Variants in GALNTL6 observed in about 807,000 individuals in gnomAD.
The protein encoded by GALNTL6 is polypeptide N-acetylgalactosaminyltransferase-like 6.
Under a neutral mutation model 73.7 loss-of-function variants are expected in GALNTL6, and 46 were observed. That is an observed-to-expected ratio of 0.62 (90% CI 0.49 to 0.80). The LOEUF (loss-of-function observed/expected upper bound fraction) is 0.80. Among genes scored for constraint, GALNTL6 ranks in the 30% least tolerant of loss-of-function variants. GALNTL6 has a pLI of 0.00. For synonymous variants in GALNTL6, 259 were observed against 263.7 expected (o/e 0.98, Z 0.17); for missense variants, 604 against 755.0 (o/e 0.80, Z 2.34).
At position 171,929,464 on chromosome 4, in the gene GALNTL6, C is replaced by G. The variant is rs113725204; in HGVS notation, c.138+114746C>G. ...ACAAGGGCCAACTAGACTTGCCTGG[C>G]ACGCCCCAGACCCCCACCCCGCCAT... is the stretch of plus-strand genomic sequence containing the variant. On this transcript the variant is annotated intron_variant, in intron 2 of 12. Transcript: ENST00000506823. 9.3e-3 allele frequency among the ~76,000 whole-genome samples: 1,418 copies of G among 152,190 alleles called. 29 individuals are homozygous for G. The highest frequency in any genetic ancestry group is 0.033 in the African/African-American group (1,351 of 41,512).
intron 2 of GALNTL6, among the ~76,000 whole-genome samples, chr4:172,117,762 T>C (rs1002336863): frequency 1.6e-4 from 24 of 152,060 alleles, no homozygotes; most frequent in African/African-American, 5.8e-4. Flanking sequence ...TGAATGAATC[T>C]CAACAACATT....
chr4:172,315,948 T>C (rs979843868), intron 4 of GALNTL6, among the ~76,000 whole-genome samples: 2 of 152,168 alleles, frequency 1.3e-5, no homozygotes, highest in Non-Finnish European at 2.9e-5. Flanking sequence ...ATTTGAAATA[T>C]ACATATAAAA....
intron 3 of GALNTL6, among the ~76,000 whole-genome samples, chr4:172,256,530 G>A (rs893446430): frequency 6.6e-6 from 1 of 151,356 alleles, no homozygotes. Context: ...ATCTGACCTT[G>A]CAATTTCTCT....
chr4:172,224,343 C>T (rs1229492182), intron 2 of GALNTL6, among the ~76,000 whole-genome samples: 2 of 152,244 alleles, frequency 1.3e-5, no homozygotes, highest in East Asian at 1.9e-4. Flanking sequence ...TAATTTATAT[C>T]GTCTGCCTTT....
intron 2 of GALNTL6, among the ~76,000 whole-genome samples, chr4:171,945,301 C>T (rs141275195): frequency 7.6e-4 from 115 of 152,080 alleles, no homozygotes; most frequent in African/African-American, 2.7e-3. Context: ...TGCACTCAAG[C>T]GTTCATATGT....
chr4:172,600,446 T>G (rs2111022224), intron 5 of GALNTL6, among the ~76,000 whole-genome samples: 1 of 152,162 alleles, frequency 6.6e-6, no homozygotes, highest in East Asian at 1.9e-4. Context: ...TGAAAAGAGA[T>G]AAACTCGAGT....
intron 2 of GALNTL6, among the ~76,000 whole-genome samples, chr4:172,054,354 A>T (rs1450783419): frequency 6.6e-6 from 1 of 152,194 alleles, no homozygotes; most frequent in Non-Finnish European, 1.5e-5. Flanking sequence ...TACTTTATTT[A>T]CATGAATTAA....
At position 172,653,598 on chromosome 4, in the gene GALNTL6, G is replaced by A. The variant is rs552043409; in HGVS notation, c.554-155763G>A. On this transcript the variant is annotated intron_variant, in intron 5 of 12. Transcript: ENST00000506823. ...TTCAACATTCTGCTTCTCTATATCC[G>A]AAGAAAGAGGAAAAAAAAATACCTT... Among the ~76,000 whole-genome samples, 701 of 151,448 alleles carry A rather than the reference G, an allele frequency of 4.6e-3. 6 individuals carry two copies. The highest frequency in any genetic ancestry group is 0.015 in the African/African-American group (625 of 41,256).
intron 2 of GALNTL6, among the ~76,000 whole-genome samples, chr4:171,919,987 G>C (rs1737737811): frequency 6.6e-6 from 1 of 152,152 alleles, no homozygotes; most frequent in Non-Finnish European, 1.5e-5. Flanking sequence ...ATTCACAATA[G>C]CAAAGACTTG....
chr4:172,749,571 A>T (rs1438032383), intron 5 of GALNTL6, among the ~76,000 whole-genome samples: 2 of 152,144 alleles, frequency 1.3e-5, no homozygotes, highest in Non-Finnish European at 2.9e-5. Flanking sequence ...CTACATTTTA[A>T]GTGGCTGGGA....
chr4:172,059,922 T>C (rs1362811190), intron 2 of GALNTL6, among the ~76,000 whole-genome samples: 1 of 152,014 alleles, frequency 6.6e-6, no homozygotes. Context: ...GGAAGGGAAA[T>C]ATGAAGGGCA....
At chr4:172,055,479 A>G (rs1045201288) in intron 2 of GALNTL6, among the ~76,000 whole-genome samples, 2 of 152,190 alleles carry the variant, frequency 1.3e-5, no homozygotes, top group Admixed American at 6.6e-5. Flanking sequence ...GAAAAATCCC[A>G]CAATAGGGCT....
intron 2 of GALNTL6, among the ~76,000 whole-genome samples, chr4:172,083,256 ATC>A (rs2110925200): frequency 6.6e-6 from 1 of 152,268 alleles, no homozygotes; most frequent in African/African-American, 2.4e-5. Context: ...TGTATTTCTA[ATC>A]TGTCTTTGCC....
chr4:172,054,505 G>T (rs1297201297), intron 2 of GALNTL6, among the ~76,000 whole-genome samples: 1 of 152,118 alleles, frequency 6.6e-6, no homozygotes, highest in East Asian at 1.9e-4. Context: ...CTTCCAGCAG[G>T]TTCAATATCC....
chr4:172,932,179 G>A (rs576083017), intron 9 of GALNTL6, among the ~76,000 whole-genome samples: 4 of 152,192 alleles, frequency 2.6e-5, no homozygotes, highest in South Asian at 2.1e-4. Context: ...ATAAATAAAC[G>A]AATTCACCAG....
chr4:172,866,241 C>G (rs1744655839), intron 7 of GALNTL6, among the ~76,000 whole-genome samples: 2 of 152,142 alleles, frequency 1.3e-5, no homozygotes, highest in Admixed American at 1.3e-4. Flanking sequence ...TTAAACCCTT[C>G]AGTAAATCCT....
chr4:172,816,579 ACAGT>A (rs1741614899), intron 7 of GALNTL6, among the ~76,000 whole-genome samples: 1 of 152,222 alleles, frequency 6.6e-6, no homozygotes, highest in African/African-American at 2.4e-5. Flanking sequence ...CATAGACTAC[ACAGT>A]CAAAGTGGTC....
At chr4:171,910,903 T>A (rs1440695772) in intron 2 of GALNTL6, among the ~76,000 whole-genome samples, 2 of 152,230 alleles carry the variant, frequency 1.3e-5, no homozygotes, top group East Asian at 3.8e-4. Context: ...GATTTTTTTA[T>A]GTCAATGCTA....
chr4:171,988,896 G>A (rs943431699), intron 2 of GALNTL6, among the ~76,000 whole-genome samples: 7 of 152,210 alleles, frequency 4.6e-5, no homozygotes, highest in South Asian at 4.2e-4. Context: ...AGACACAAGG[G>A]GAGGATGTGA....
Sources: allele counts gnomAD v4.1 joint callset (sites outside exome capture counted in the v4.1 genomes callset), GRCh38; gene constraint gnomAD v4.1.1; transcripts MANE v1.5; gene names NCBI Gene and HGNC (gene_info 2026-07-23, HGNC 2026-07-21).